The following PLXDC2 variants were observed in gnomAD, a reference collection of about 807,000 sequenced individuals.
PLXDC2 encodes plexin domain containing 2, also known as plexin domain-containing protein 2.
Under a neutral mutation model 68.9 loss-of-function variants are expected in PLXDC2, and 40 were observed. The observed-to-expected ratio is 0.58, with a 90% CI of 0.45 to 0.76. PLXDC2 has a LOEUF of 0.76. Among genes scored for constraint, PLXDC2 ranks in the 30% least tolerant of loss-of-function variants. The probability of loss-of-function intolerance (pLI) is 0.00; values close to 1 mark genes in which losing one functional copy is unlikely to be tolerated. For missense variants in PLXDC2, 644 were observed against 661.9 expected, an observed-to-expected ratio of 0.97 and a Z score of 0.30; for synonymous variants, 243 against 234.2, an observed-to-expected ratio of 1.04 and a Z score of -0.34.
intron 13 of PLXDC2, among the ~76,000 whole-genome samples, chr10:20,258,630 A>C (rs984130890): frequency 6.6e-6 from 1 of 152,124 alleles, no homozygotes; most frequent in Non-Finnish European, 1.5e-5. Context: ...GACTTTGTTT[A>C]AGTTGAATCC....
intron 1 of PLXDC2, among the ~76,000 whole-genome samples, chr10:19,839,978 A>G (rs1336640368): frequency 6.6e-6 from 1 of 152,162 alleles, no homozygotes; most frequent in Non-Finnish European, 1.5e-5. Flanking sequence ...TCACTTCTTG[A>G]TAAGGAGGAA....
At chr10:19,854,665 C>T (rs1305260892) in intron 1 of PLXDC2, among the ~76,000 whole-genome samples, 1 of 152,130 alleles carries the variant, frequency 6.6e-6, no homozygotes, top group Non-Finnish European at 1.5e-5. Flanking sequence ...AACCTCAGTT[C>T]CTGTCTTTTA....
intron 4 of PLXDC2, among the ~76,000 whole-genome samples, chr10:20,106,691 C>G (rs542047295): frequency 6.6e-6 from 1 of 152,056 alleles, no homozygotes; most frequent in Non-Finnish European, 1.5e-5. Flanking sequence ...TCTCCTTCAC[C>G]TCTCTATTTT....
At chr10:19,924,054 T>A (rs184804981) in intron 1 of PLXDC2, among the ~76,000 whole-genome samples, 94 of 152,272 alleles carry the variant, frequency 6.2e-4, no homozygotes, top group African/African-American at 2.1e-3. Context: ...AGACTCTGTG[T>A]CTGTACAGTT....
intron 7 of PLXDC2, among the ~76,000 whole-genome samples, chr10:20,164,996 T>C (rs978319912): frequency 4.6e-5 from 7 of 152,030 alleles, no homozygotes; most frequent in Admixed American, 2.6e-4. Flanking sequence ...TAACTTTTTT[T>C]ATTATTTGAA....
rs1239395320 is a variant in PLXDC2 at position 20,039,720 on chromosome 10, AG to A, written c.325-7148del. ...TTTATATAGAGAAAAAGAAAAAAGT[AG>A]TTTGCATATAATGTGTTTATTATAA... is the stretch of plus-strand genomic sequence containing the variant. On this transcript the variant is annotated intron_variant, in intron 2 of 13. Transcript: ENST00000377252. 2.6e-5 allele frequency among the ~76,000 whole-genome samples: 4 copies of A among 152,318 alleles called. No homozygotes were observed. The East Asian group carries it at 5.8e-4, about 22-fold the overall frequency.
intron 1 of PLXDC2, among the ~76,000 whole-genome samples, chr10:19,983,779 C>T (rs1046256291): frequency 6.6e-6 from 1 of 152,080 alleles, no homozygotes; most frequent in African/African-American, 2.4e-5. Context: ...GAGGCTCGTC[C>T]GAAATGCAGG....
chr10:20,271,749 G>A (rs1035087096), intron 13 of PLXDC2, among the ~76,000 whole-genome samples: 1 of 152,170 alleles, frequency 6.6e-6, no homozygotes, highest in Admixed American at 6.5e-5. Flanking sequence ...GTGAACTACA[G>A]AGGCTAATTA....
chr10:19,871,563 G>A (rs1837534058), intron 1 of PLXDC2, among the ~76,000 whole-genome samples: 1 of 151,744 alleles, frequency 6.6e-6, no homozygotes, highest in Non-Finnish European at 1.5e-5. Context: ...TGTCTATTTG[G>A]CTCCCATGAG....
chr10:20,013,912 G>T (rs1835158951), intron 2 of PLXDC2, among the ~76,000 whole-genome samples: 1 of 152,150 alleles, frequency 6.6e-6, no homozygotes, highest in Non-Finnish European at 1.5e-5. Context: ...TCAAATGGGA[G>T]AAATGTAGTT....
At position 20,280,016 on chromosome 10, in the gene PLXDC2, C is replaced by T; in HGVS notation, c.*197C>T. 1.8e-6 allele frequency: 1 copy of T among 543,020 alleles called. No homozygotes were observed. Among genetic ancestry groups the T allele is most frequent in the South Asian group, 2.6e-5 (1 of 37,862 alleles). The allele number at this position is 543,020 out of a possible 1,614,324, so 33.6% of individuals were successfully genotyped here. On this transcript the variant is annotated 3_prime_UTR_variant, in exon 14 of 14. Transcript: ENST00000377252. Reference sequence around the variant, plus strand: ...AAAAAACTAAAACTTATACAAGATACCATTTACACTGAACATAGAATTCCC... The same window carrying T: ...AAAAAACTAAAACTTATACAAGATATCATTTACACTGAACATAGAATTCCC...
At chr10:19,828,825 G>C (rs1836626195) in intron 1 of PLXDC2, among the ~76,000 whole-genome samples, 1 of 152,070 alleles carries the variant, frequency 6.6e-6, no homozygotes, top group Admixed American at 6.6e-5. Context: ...CCAGCCCCCA[G>C]TTCTATTGTT....
intron 4 of PLXDC2, among the ~76,000 whole-genome samples, chr10:20,068,503 T>TA (rs1487108167): frequency 6.6e-6 from 1 of 151,392 alleles, no homozygotes; most frequent in Non-Finnish European, 1.5e-5. Flanking sequence ...GGTAGTGTGG[T>TA]AAGACTGTCC....
Position 20,044,094 on chromosome 10 carries a change from C to CCCTTCCTTCCTTCCTTCCTTCCTTCCTT in PLXDC2, c.325-2771_325-2744dup, listed in dbSNP as rs376988347. Among the ~76,000 whole-genome samples the CCCTTCCTTCCTTCCTTCCTTCCTTCCTT allele has an allele frequency of 4.4e-3, 145 of 32,852 alleles. 7 individuals carry two copies. Among genetic ancestry groups the CCCTTCCTTCCTTCCTTCCTTCCTTCCTT allele is most frequent in the East Asian group, 0.02 (6 of 304 alleles). 21.6% of individuals were successfully genotyped at this position (32,852 alleles called of 152,430 possible). A position where few individuals can be genotyped will look rare whatever the true frequency, so the allele number is the denominator to read the frequency against. ...ACTTGCGCAGGGATCTGGCTTTTTCCCCTTCCTTCCTTCCTTCCTTCCTTC... is the reference window on the plus strand; with the variant it reads ...ACTTGCGCAGGGATCTGGCTTTTTCCCCTTCCTTCCTTCCTTCCTTCCTTCCTTCCTTCCTTCCTTCCTTCCTTCCTTC... On this transcript the variant is annotated intron_variant, in intron 2 of 13. Transcript: ENST00000377252.
chr10:20,211,689 G>A lies in PLXDC2; in HGVS notation c.1082G>A (p.Arg361His), dbSNP rs372336202. The A allele has an allele frequency of 2.6e-5, 42 of 1,612,998 alleles. No homozygotes were observed. The highest frequency in any genetic ancestry group is 3.3e-5 in the Non-Finnish European group (39 of 1,179,364). ...TGAAGATGTTCCAGTGGATTTGATCGTCATCGGCAGGACTGGGTGGACAGT... is the reference window on the plus strand; with the variant it reads ...TGAAGATGTTCCAGTGGATTTGATCATCATCGGCAGGACTGGGTGGACAGT... The part of the protein sequence containing the change: ...KLQRCSSGFD[R>H]HRQDWVDSGC... Residue 361 changes from arginine to histidine, a missense_variant, in exon 10 of 14, where the codon CGT (arginine) becomes CAT (histidine). Transcript: ENST00000377252.
At chr10:19,896,940 T>C (rs2131364303) in intron 1 of PLXDC2, among the ~76,000 whole-genome samples, 1 of 152,312 alleles carries the variant, frequency 6.6e-6, no homozygotes, top group East Asian at 1.9e-4. Flanking sequence ...TAGTACCACC[T>C]GAGGTTCTTC....
chr10:20,135,989 T>C (rs1192897402), intron 4 of PLXDC2, among the ~76,000 whole-genome samples: 1 of 152,188 alleles, frequency 6.6e-6, no homozygotes. Flanking sequence ...AATATAAAAA[T>C]CCCTTCATAT....
intron 4 of PLXDC2, among the ~76,000 whole-genome samples, chr10:20,082,848 T>C (rs924307247): frequency 6.6e-6 from 1 of 152,206 alleles, no homozygotes; most frequent in African/African-American, 2.4e-5. Context: ...TAGAATACTA[T>C]GTGGCCTTTA....
chr10:20,035,268 G>C (rs1589597850), intron 2 of PLXDC2, among the ~76,000 whole-genome samples: 1 of 152,118 alleles, frequency 6.6e-6, no homozygotes, highest in Non-Finnish European at 1.5e-5. Context: ...TTAATTGCTT[G>C]TTAATCACTT....
Sources: gnomAD v4.1 joint callset for allele counts (sites outside exome capture counted in the v4.1 genomes callset) on GRCh38, gnomAD v4.1.1 for gene constraint, MANE v1.5 for transcripts, NCBI Gene and HGNC (gene_info 2026-07-23, HGNC 2026-07-21) for gene names.